The following RASGRF1 variants were observed in gnomAD, a reference collection of about 807,000 sequenced individuals.
RASGRF1 encodes ras-specific guanine nucleotide-releasing factor 1.
A neutral mutation model predicts 138.7 loss-of-function variants in RASGRF1; 40 were observed. The ratio of observed to expected loss-of-function variants is 0.29; its 90% CI spans 0.22 to 0.38. RASGRF1 has a LOEUF of 0.38. Among genes scored for constraint, RASGRF1 ranks in the 10% least tolerant of loss-of-function variants. The pLI, the probability that RASGRF1 is intolerant of heterozygous loss-of-function variation, is 1.00. For synonymous variants in RASGRF1, 614 were observed against 663.2 expected, an observed-to-expected ratio of 0.93 and a Z score of 1.14; for missense variants, 1,108 against 1,650.4, an observed-to-expected ratio of 0.67 and a Z score of 5.69.
chr15:79,013,535 T>A lies in RASGRF1; in HGVS notation c.1826+1792A>T, dbSNP rs542166378. The stretch of plus-strand genomic sequence containing the variant: ...TGCATTAAACGCATTACATCTGCAG[T>A]TCCCCAGAGCATGTATGTGAAGTAG... On this transcript the variant is annotated intron_variant, in intron 13 of 26. Transcript: ENST00000558480. 7.9e-5 allele frequency among the ~76,000 whole-genome samples: 12 copies of A among 152,360 alleles called. No individual in the cohort carries two copies. The South Asian group carries it at 2.5e-3, about 32-fold the overall frequency.
In RASGRF1 at chr15:79,050,677, C is replaced by A. The variant is rs74027014; in HGVS notation, c.532-1089G>T. ...TGTCGACATAGCTGCAAGAACAAAACCAAGGCATGGTGCCTAGGAGAAGGT... is the reference window on the plus strand; with the variant it reads ...TGTCGACATAGCTGCAAGAACAAAAACAAGGCATGGTGCCTAGGAGAAGGT... On this transcript the variant is annotated intron_variant, in intron 3 of 26. Coordinates refer to ENST00000558480, the MANE Select transcript of RASGRF1 (RefSeq NM_001145648.3). The surrounding 1 kb of genome is among the most constrained non-coding windows in gnomAD (Gnocchi z 4.1). Among the ~76,000 whole-genome samples the A allele has an allele frequency of 9.9e-3, 1,513 of 152,330 alleles. 26 individuals carry two copies. The highest frequency in any genetic ancestry group is 0.034 in the African/African-American group (1,425 of 41,564).
chr15:79,012,655 T>C, intron 13 of RASGRF1: 2 of 1,379,890 alleles, frequency 1.4e-6, no homozygotes, highest in Non-Finnish European at 1.0e-6. Context: ...CTTTCATAGG[T>C]GATTTTAATT....
intron 13 of RASGRF1, among the ~76,000 whole-genome samples, chr15:79,011,810 C>T (rs963874239): frequency 6.6e-6 from 1 of 152,162 alleles, no homozygotes; most frequent in Admixed American, 6.5e-5. Flanking sequence ...CTAGCCTAAC[C>T]AGCTATCTCA....
At chr15:79,060,205 G>C (rs180797564) in intron 2 of RASGRF1, among the ~76,000 whole-genome samples, 1 of 152,296 alleles carries the variant, frequency 6.6e-6, no homozygotes, top group East Asian at 1.9e-4. Context: ...TCTAAGGAAG[G>C]TGCCTCGATT....
intron 5 of RASGRF1, among the ~76,000 whole-genome samples, chr15:79,042,966 G>A (rs544487449): frequency 7.2e-5 from 11 of 152,310 alleles, no homozygotes; most frequent in African/African-American, 1.4e-4. Context: ...GGTATAAAGC[G>A]AGGATGATCT....
intron 26 of RASGRF1, among the ~76,000 whole-genome samples, chr15:78,967,513 C>A (rs1055046520): frequency 6.6e-6 from 1 of 152,120 alleles, no homozygotes; most frequent in Non-Finnish European, 1.5e-5. Context: ...CACACTATAG[C>A]ACTCCAGCCT....
At chr15:78,976,660 C>T (rs2055878870) in intron 24 of RASGRF1, among the ~76,000 whole-genome samples, 1 of 152,146 alleles carries the variant, frequency 6.6e-6, no homozygotes, top group African/African-American at 2.4e-5. Context: ...TGGAGGGCCC[C>T]ACAGGGACAC....
At chr15:79,088,696 A>G (rs901845589) in intron 1 of RASGRF1, among the ~76,000 whole-genome samples, 2 of 152,082 alleles carry the variant, frequency 1.3e-5, no homozygotes, top group African/African-American at 4.8e-5. Context: ...CCGGGTAGGT[A>G]TGGGTATATG....
intron 13 of RASGRF1, among the ~76,000 whole-genome samples, chr15:79,012,030 A>G (rs1233993720): frequency 6.6e-6 from 1 of 152,124 alleles, no homozygotes; most frequent in East Asian, 1.9e-4. Context: ...AAAAAAAAAA[A>G]AAATTGATAC....
Position 79,073,266 on chromosome 15 carries a change from G to A in RASGRF1, c.277-8740C>T, listed in dbSNP as rs558713777. Among the ~76,000 whole-genome samples the A allele has an allele frequency of 3.0e-3, 461 of 152,178 alleles. 5 individuals are homozygous for A. Among genetic ancestry groups the A allele is most frequent in the Non-Finnish European group, 4.6e-3 (310 of 68,008 alleles). On this transcript the variant is annotated intron_variant, in intron 1 of 26. Coordinates refer to ENST00000558480, the MANE Select transcript of RASGRF1 (RefSeq NM_001145648.3). The surrounding 1 kb of genome is among the most constrained non-coding windows in gnomAD (Gnocchi z 4.2). Reference sequence around the variant, plus strand: ...CCACCAGACTGCCCAGATCCCAGAAGGGGAGTCATGATGCCTGATAAGCCC... The same window carrying A: ...CCACCAGACTGCCCAGATCCCAGAAAGGGAGTCATGATGCCTGATAAGCCC...
chr15:79,032,607 C>T lies in RASGRF1; in HGVS notation c.959-291G>A, dbSNP rs954849970. Among the ~76,000 whole-genome samples, 3 of 152,120 alleles carry T rather than the reference C, an allele frequency of 2.0e-5. No individual in the cohort carries two copies. The highest frequency in any genetic ancestry group is 7.2e-5 in the African/African-American group (3 of 41,422). On this transcript the variant is annotated intron_variant, in intron 6 of 26. Transcript: ENST00000558480. The surrounding 1 kb of genome is among the most constrained non-coding windows in gnomAD (Gnocchi z 4.5). ...TGTCAGAGAGAGGAGGTAGAGTGGGCGCTGTGGGGTGCCACCTGGATCCCC... is the reference window on the plus strand; with the variant it reads ...TGTCAGAGAGAGGAGGTAGAGTGGGTGCTGTGGGGTGCCACCTGGATCCCC...
chr15:79,083,114 G>A (rs112395348), intron 1 of RASGRF1, among the ~76,000 whole-genome samples: 3,258 of 152,264 alleles, frequency 0.021, 57 homozygotes, highest in Admixed American at 0.027. Context: ...ATGCCGGGTC[G>A]CCATGGCTGC....
chr15:79,029,520 C>T (rs1030280576), intron 8 of RASGRF1, among the ~76,000 whole-genome samples: 1 of 152,060 alleles, frequency 6.6e-6, no homozygotes, highest in Admixed American at 6.5e-5. Flanking sequence ...AGCTGGGGAG[C>T]TCTGGGAAGG....
intron 3 of RASGRF1, 31 bp from the exon 4 acceptor site, chr15:79,049,619 G>A (rs773352775): frequency 1.3e-6 from 2 of 1,591,022 alleles, no homozygotes; most frequent in South Asian, 1.1e-5. Flanking sequence ...AGCCTGTGAG[G>A]GGCGCTGGCT....
In RASGRF1 at chr15:78,998,781, G is replaced by A. The variant is rs368623142; in HGVS notation, c.2791C>T (p.Arg931Cys). 32 of 1,614,136 alleles carry A rather than the reference G, an allele frequency of 2.0e-5. No homozygotes were observed. The highest frequency in any genetic ancestry group is 2.5e-5 in the Non-Finnish European group (29 of 1,179,978). Residue 931 changes from arginine (R) to cysteine (C), a missense_variant, in exon 18 of 27, where the codon CGC becomes TGC. This residue lies in a region of RASGRF1 where 686 missense variants were observed against 976.7 expected (regional missense o/e 0.70). Coordinates refer to ENST00000558480, the MANE Select transcript of RASGRF1 (RefSeq NM_001145648.3). The stretch of plus-strand genomic sequence containing the variant: ...AAGACACGATTGGTGGCTGCTCTGC[G>A]GATCACAAACTCCTTGTCTCCATTC... The part of the protein sequence containing the change: ...QRNGDKEFVI[R>C]RAATNRVLNV...
chr15:79,061,601 C>T (rs1442177640), intron 2 of RASGRF1, among the ~76,000 whole-genome samples: 1 of 151,998 alleles, frequency 6.6e-6, no homozygotes, highest in East Asian at 1.9e-4. Context: ...CCAGAAGCAA[C>T]TACTATTCTG....
intron 21 of RASGRF1, 120 bp downstream of exon 21, chr15:78,991,571 T>C: frequency 1.3e-6 from 1 of 746,974 alleles, no homozygotes; most frequent in Non-Finnish European, 2.3e-6. Context: ...CCAGGCACTA[T>C]TGTTTCAAGC....
At chr15:79,012,524 C>T in intron 13 of RASGRF1, 1 of 1,613,812 alleles carries the variant, frequency 6.2e-7, no homozygotes, top group Non-Finnish European at 8.5e-7. Context: ...CCTCCCTGGT[C>T]CTCCTGTGAA....
intron 20 of RASGRF1, among the ~76,000 whole-genome samples, chr15:78,993,165 A>G (rs2056308783): frequency 1.3e-5 from 1 of 77,250 alleles, no homozygotes; most frequent in Non-Finnish European, 2.7e-5. Context: ...CCTGTGGGTG[A>G]TGTGTGTATG....
Sources: gnomAD v4.1 joint callset for allele counts (sites outside exome capture counted in the v4.1 genomes callset) on GRCh38, gnomAD v4.1.1 for gene constraint, gnomAD v4.1.1 regional missense constraint, Gnocchi (gnomAD v3.1) non-coding constraint, MANE v1.5 for transcripts, NCBI Gene and HGNC (gene_info 2026-07-23, HGNC 2026-07-21) for gene names.